Variants in DUS3L observed in about 807,000 individuals in gnomAD.
DUS3L encodes the protein tRNA-dihydrouridine(47) synthase [NAD(P)(+)]-like.
DUS3L carries 62 observed loss-of-function variants against 74.6 expected under a neutral mutation model. The ratio of observed to expected loss-of-function variants is 0.83; its 90% CI spans 0.68 to 1.03. The LOEUF (loss-of-function observed/expected upper bound fraction) is 1.03, where lower values mean the gene tolerates loss of function less well. Ranked by LOEUF, DUS3L falls within the 50% of genes least tolerant of loss-of-function variation. The pLI, the probability that DUS3L is intolerant of heterozygous loss-of-function variation, is 0.00. For synonymous variants in DUS3L, 433 were observed against 395.7 expected, an observed-to-expected ratio of 1.09 and a Z score of -1.12; for missense variants, 884 against 924.4, an observed-to-expected ratio of 0.96 and a Z score of 0.57.
At chr19:5,790,959 C>T in intron 1 of DUS3L, 85 bp downstream of exon 1, 1 of 1,347,346 alleles carries the variant, frequency 7.4e-7, no homozygotes, top group Non-Finnish European at 1.0e-6. Flanking sequence ...TCAGCCGCTG[C>T]CTAATCTCCC....
Position 5,786,509 on chromosome 19 carries a change from T to C in DUS3L, c.1520A>G (p.Asn507Ser), listed in dbSNP as rs540799273. The change falls in exon 10 of 13, where the codon AAC becomes AGC. Residue 507 changes from asparagine to serine, a missense_variant. Physicochemically the swap from Asn to Ser is conservative, Grantham distance 46 (BLOSUM62 1). Coordinates refer to ENST00000309061, the MANE Select transcript of DUS3L (RefSeq NM_020175.3). ...GGTGACACCAGTCTGCATGGCGCGG[T>C]TGGCATCCTCAAATGACAAGATGTC... ...NGDILSFEDA[N>S]RAMQTGVTGI... 27 of 1,612,948 alleles carry C rather than the reference T, an allele frequency of 1.7e-5. No homozygotes were observed. The highest frequency in any genetic ancestry group is 2.3e-5 in the Non-Finnish European group (27 of 1,179,948).
At chr19:5,791,020 T>A in intron 1 of DUS3L, 24 bp downstream of exon 1, 1 of 1,577,596 alleles carries the variant, frequency 6.3e-7, no homozygotes, top group Non-Finnish European at 8.6e-7. Context: ...GCCCTTCAGC[T>A]TCCCTCCTGC....
intron 3 of DUS3L, among the ~76,000 whole-genome samples, chr19:5,788,703 CTCTT>C (rs1242373906): frequency 2.8e-5 from 4 of 144,494 alleles, no homozygotes; most frequent in Admixed American, 2.8e-4. Flanking sequence ...GTGTGTCCAG[CTCTT>C]TTTTTTTTTT....
intron 10 of DUS3L, 86 bp downstream of exon 10, chr19:5,786,381 C>G (rs543951634): frequency 7.3e-7 from 1 of 1,371,648 alleles, no homozygotes; most frequent in African/African-American, 1.4e-5. Context: ...CAGCCCACCA[C>G]AGAACAGGGG....
rs747265517 is a variant in DUS3L at position 5,785,603 on chromosome 19, C to T, written c.1751G>A (p.Arg584Gln). Reference protein sequence around the residue: ...FLLEWLSFLCRYVPVGLLERL... With the variant: ...FLLEWLSFLCQYVPVGLLERL... ...CACCCCAGCCAGCCCCGGTGCCCAC[C>T]GGCACAGGAAGGACAGCCACTCGAG... The change falls in exon 11 of 13, where the codon CGG becomes CAG. Residue 584 changes from arginine to glutamine, a missense_variant and splice_region_variant. Physicochemically the swap from Arg to Gln is conservative, Grantham distance 43 (BLOSUM62 1). Coordinates refer to ENST00000309061, the MANE Select transcript of DUS3L (RefSeq NM_020175.3). 8 of 1,601,124 alleles carry T rather than the reference C, an allele frequency of 5.0e-6. No individual in the cohort carries two copies. The highest frequency in any genetic ancestry group is 1.1e-5 in the South Asian group (1 of 90,206).
chr19:5,789,355 G>A lies in DUS3L; in HGVS notation c.752C>T (p.Ala251Val), dbSNP rs2056886183. The A allele has an allele frequency of 6.3e-7, 1 of 1,597,934 alleles. No homozygotes were observed. Among genetic ancestry groups the A allele is most frequent in the Non-Finnish European group, 8.5e-7 (1 of 1,173,702 alleles). ...PAAAVPEGTA[A>V]EGAPRQENCG... ...GTTTTCCTGCCTGGGAGCGCCCTCG[G>A]CTGCCGTGCCCTCGGGGACAGCGGC... The change falls in exon 3 of 13, where the codon GCC becomes GTC. Residue 251 changes from alanine to valine, a missense_variant. Ala to Val is a moderately conservative substitution (Grantham distance 64). Coordinates refer to ENST00000309061, the MANE Select transcript of DUS3L (RefSeq NM_020175.3).
intron 1 of DUS3L, 106 bp from the exon 2 acceptor site, chr19:5,790,441 A>T: frequency 7.2e-7 from 1 of 1,393,982 alleles, no homozygotes; most frequent in Non-Finnish European, 9.8e-7. Context: ...GCTGATGGGG[A>T]GCTCACTACT....
At chr19:5,787,536 C>T in intron 6 of DUS3L, 53 bp downstream of exon 6, 3 of 1,589,982 alleles carry the variant, frequency 1.9e-6, no homozygotes, top group Non-Finnish European at 1.7e-6. Context: ...CCGGCTGGGT[C>T]AGTGCCTCCC....
At chr19:5,790,429 C>T (rs2056898803) in intron 1 of DUS3L, 94 bp from the exon 2 acceptor site, 2 of 1,483,262 alleles carry the variant, frequency 1.3e-6, no homozygotes, top group Non-Finnish European at 1.8e-6. Flanking sequence ...TTAAATCCTT[C>T]TGCTGATGGG....
In DUS3L at chr19:5,786,809, G is replaced by T. The variant is rs753697925; in HGVS notation, c.1426C>A (p.Leu476Ile). 17 of 1,611,898 alleles carry T rather than the reference G, an allele frequency of 1.1e-5. No individual in the cohort carries two copies. Among genetic ancestry groups the T allele is most frequent in the Non-Finnish European group, 1.4e-5 (16 of 1,179,776 alleles). Reference protein sequence around the residue: ...GRSREQRYTKLADWQYIEECV... With the variant: ...GRSREQRYTKIADWQYIEECV... ...TCCTCGATGTACTGCCAGTCGGCTA[G>T]CTTGGTGTAGCGCTGCTCCCGAGAG... Residue 476 changes from leucine to isoleucine, a missense_variant, in exon 9 of 13, where the codon CTA becomes ATA. Coordinates refer to ENST00000309061, the MANE Select transcript of DUS3L (RefSeq NM_020175.3).
rs570937645 is a variant in DUS3L at position 5,789,941 on chromosome 19, CTGCTCGT to C, written c.387+99_387+105del. 224 of 1,471,460 alleles carry C rather than the reference CTGCTCGT, an allele frequency of 1.5e-4. No individual in the cohort carries two copies. The East Asian group carries it at 4.2e-3, about 27-fold the overall frequency. 91.2% of individuals were successfully genotyped at this position (1,471,460 alleles called of 1,614,324 possible). A position where few individuals can be genotyped will look rare whatever the true frequency, so the allele number is the denominator to read the frequency against. The stretch of plus-strand genomic sequence containing the variant: ...ACGGAATGGCATCAGAGCAAGCTCA[CTGCTCGT>C]TGCTGAAGGCCCAGGAGCTTTCTAA... On this transcript the variant is annotated intron_variant, in intron 2 of 12. Transcript: ENST00000309061.
intron 3 of DUS3L, among the ~76,000 whole-genome samples, chr19:5,788,614 C>T (rs1478848929): frequency 2.0e-5 from 3 of 149,938 alleles, no homozygotes; most frequent in Non-Finnish European, 4.4e-5. Context: ...CCATCCAAAC[C>T]CAGTCCCAAT....
rs2056891541 is a variant in DUS3L at position 5,789,739 on chromosome 19, C to G, written c.388-20G>C. On this transcript the variant is annotated intron_variant, in intron 2 of 12. Transcript: ENST00000309061. ...CGACTCCTGCGAGGAAACAGGGAAG[C>G]AGTGAGGGAGGACAGGGAGACCCCG... 1.3e-6 allele frequency: 2 copies of G among 1,584,412 alleles called. No individual in the cohort carries two copies. Among genetic ancestry groups the G allele is most frequent in the African/African-American group, 2.7e-5 (2 of 74,710 alleles).
rs751515588 is a variant in DUS3L, at chr19:5,789,275, G to C, written c.832C>G (p.Pro278Ala). The C allele has an allele frequency of 3.8e-6, 6 of 1,591,988 alleles. No homozygotes were observed. Among genetic ancestry groups the C allele is most frequent in the South Asian group, 1.1e-5 (1 of 88,162 alleles). Reference sequence around the variant, plus strand: ...GTCAGGGGCCCGCAGGTCCGCACGGGGCTGCTGGGAGGGGTGCTAGTGCCC... The same window carrying C: ...GTCAGGGGCCCGCAGGTCCGCACGGCGCTGCTGGGAGGGGTGCTAGTGCCC... ...GPGTSTPPSS[P>A]VRTCGPLTDE... Residue 278 changes from proline (P) to alanine (A), a missense_variant, in exon 3 of 13, where the codon CCC becomes GCC. Transcript: ENST00000309061.
chr19:5,785,354 A>C, intron 12 of DUS3L, 29 bp downstream of exon 12: 1 of 1,604,966 alleles, frequency 6.2e-7, no homozygotes. Flanking sequence ...CCCCGACTGC[A>C]GCTCCCCAAC....
In DUS3L at chr19:5,785,293, G is replaced by GA; in HGVS notation, c.1881-19dup. ...GCATCTCGCTGTGGGAGAGCAGGTG[G>GA]AAAGCGAGGTCAGGCCCAGGACCTG... is the stretch of plus-strand genomic sequence containing the variant. On this transcript the variant is annotated intron_variant, in intron 12 of 12. Coordinates refer to ENST00000309061, the MANE Select transcript of DUS3L (RefSeq NM_020175.3). 2 of 1,610,614 alleles carry GA rather than the reference G, an allele frequency of 1.2e-6. No homozygotes were observed. The highest frequency in any genetic ancestry group is 2.2e-5 in the South Asian group (2 of 90,576).
rs747644075 is a variant in DUS3L, at chr19:5,790,997, G to A, written c.98+47C>T. 1.3e-5 allele frequency: 20 copies of A among 1,533,990 alleles called. No homozygotes were observed. In the Middle Eastern group the frequency reaches 2.4e-3, roughly 183 times the overall value. On this transcript the variant is annotated intron_variant, in intron 1 of 12. Coordinates refer to ENST00000309061, the MANE Select transcript of DUS3L (RefSeq NM_020175.3). The stretch of plus-strand genomic sequence containing the variant: ...CATGCACAGCTCGGACCGCGCTATG[G>A]GTGCCGGAAAAGGCCCTTCAGCTTC...
chr19:5,788,200 C>T lies in DUS3L; in HGVS notation c.943-24G>A, dbSNP rs1423696938. ...CACTGCGGGGGGAGCAGGACAGACA[C>T]ACATGCTCTTGCACGCGCACACACA... On this transcript the variant is annotated intron_variant, in intron 4 of 12. Transcript: ENST00000309061. 5 of 1,612,786 alleles carry T rather than the reference C, an allele frequency of 3.1e-6. No individual in the cohort carries two copies. The African/African-American group carries it at 4.0e-5, about 13-fold the overall frequency.
At chr19:5,788,592 G>C (rs1021866798) in intron 3 of DUS3L, among the ~76,000 whole-genome samples, 194 bp from the exon 4 acceptor site, 2 of 151,960 alleles carry the variant, frequency 1.3e-5, no homozygotes, top group African/African-American at 2.4e-5. Flanking sequence ...CCACTGGAGA[G>C]CTTCTACTTA....
Sources: allele counts gnomAD v4.1 joint callset (sites outside exome capture counted in the v4.1 genomes callset), GRCh38; gene constraint gnomAD v4.1.1; transcripts MANE v1.5; gene names NCBI Gene and HGNC (gene_info 2026-07-23, HGNC 2026-07-21).